SMG6: variants seen among roughly 807,000 people sequenced by gnomAD.
The protein encoded by SMG6 is telomerase-binding protein EST1A.
Under a neutral mutation model 142.2 loss-of-function variants are expected in SMG6, and 66 were observed. The ratio of observed to expected loss-of-function variants is 0.46; its 90% CI spans 0.38 to 0.57. The LOEUF (loss-of-function observed/expected upper bound fraction) is 0.57, where lower values mean the gene tolerates loss of function less well. SMG6 is among the 20% of genes least tolerant of loss of function. The pLI is 0.00. For missense variants in SMG6, 1,793 were observed against 1,832.0 expected (o/e 0.98, Z 0.39); for synonymous variants, 779 against 702.4 (o/e 1.11, Z -1.72).
chr17:2,121,189 A>C (rs549594705), intron 13 of SMG6, among the ~76,000 whole-genome samples: 11 of 152,306 alleles, frequency 7.2e-5, no homozygotes, highest in Admixed American at 1.3e-4. Flanking sequence ...ATGTCCAAAA[A>C]CAGATTTGTG....
intron 13 of SMG6, among the ~76,000 whole-genome samples, chr17:2,112,331 C>A (rs1046226235): frequency 6.6e-6 from 1 of 151,316 alleles, no homozygotes; most frequent in Non-Finnish European, 1.5e-5. Flanking sequence ...GGTGAAACCC[C>A]GTCTCTACTA....
In SMG6 at chr17:2,131,112, A is replaced by G. The variant is rs139412049; in HGVS notation, c.3357+41546T>C. ...TTAAAACAATTGATTTTTATATACA[A>G]TAAAACTTTAAGCATATTTGCTATT... On this transcript the variant is annotated intron_variant, in intron 13 of 18. Transcript: ENST00000263073. Among the ~76,000 whole-genome samples the G allele has an allele frequency of 9.8e-5, 15 of 152,340 alleles. No individual in the cohort carries two copies. In the East Asian group the frequency reaches 2.9e-3, roughly 29 times the overall value.
At chr17:2,141,023 G>T (rs2070462849) in intron 13 of SMG6, among the ~76,000 whole-genome samples, 1 of 152,196 alleles carries the variant, frequency 6.6e-6, no homozygotes, top group African/African-American at 2.4e-5. Flanking sequence ...GAGAAATCTG[G>T]CCAGGAGAAT....
chr17:2,202,491 A>G (rs969306874), intron 10 of SMG6, among the ~76,000 whole-genome samples: 1 of 152,192 alleles, frequency 6.6e-6, no homozygotes, highest in Non-Finnish European at 1.5e-5. Flanking sequence ...GTTCAAGGCT[A>G]CAGTGAACTA....
rs1555528754 is a variant in SMG6 at position 2,061,465 on chromosome 17, C to G, written c.*27G>C. On this transcript the variant is annotated 3_prime_UTR_variant, in exon 19 of 19. Transcript: ENST00000263073. The stretch of plus-strand genomic sequence containing the variant: ...TGGTGGCCTTTCAGGAACGGTTCCA[C>G]GGGGGGGGGGCCCCAGTGTGGCTCC... 1.9e-5 allele frequency: 26 copies of G among 1,359,398 alleles called. No individual in the cohort carries two copies. Among genetic ancestry groups the G allele is most frequent in the Admixed American group, 1.1e-4 (5 of 45,198 alleles). 84.2% of individuals were successfully genotyped at this position (1,359,398 alleles called of 1,614,324 possible). A position where few individuals can be genotyped will look rare whatever the true frequency, so the allele number is the denominator to read the frequency against.
intron 8 of SMG6, among the ~76,000 whole-genome samples, chr17:2,277,656 T>C (rs959538890): frequency 3.9e-5 from 6 of 152,336 alleles, no homozygotes; most frequent in South Asian, 4.1e-4. Flanking sequence ...GGAATGTATA[T>C]ATTGCATTAT....
At chr17:2,150,974 A>G (rs935636211) in intron 13 of SMG6, among the ~76,000 whole-genome samples, 3 of 152,180 alleles carry the variant, frequency 2.0e-5, no homozygotes, top group African/African-American at 4.8e-5. Flanking sequence ...TGCCGCCTCA[A>G]GTAAGATGGG....
At chr17:2,232,457 G>GT (rs2073524495) in intron 10 of SMG6, among the ~76,000 whole-genome samples, 1 of 152,066 alleles carries the variant, frequency 6.6e-6, no homozygotes, top group African/African-American at 2.4e-5. Context: ...CCTGGTCCAC[G>GT]TAAGAAACAC....
chr17:2,244,536 G>A, intron 9 of SMG6, 122 bp downstream of exon 9: 1 of 696,042 alleles, frequency 1.4e-6, no homozygotes, highest in Non-Finnish European at 2.6e-6. Context: ...AAGAGAAGGT[G>A]GAGGCCTCTA....
chr17:2,240,542 CAT>C (rs2073775140), intron 9 of SMG6, among the ~76,000 whole-genome samples: 1 of 151,906 alleles, frequency 6.6e-6, no homozygotes, highest in African/African-American at 2.4e-5. Context: ...CCTCAGAGAC[CAT>C]ATCTTTAAAC....
rs573812717 is a variant in SMG6, at chr17:2,199,468, G to C, written c.2870-10953C>G. 3.7e-4 allele frequency among the ~76,000 whole-genome samples: 56 copies of C among 151,730 alleles called. No homozygotes were observed. The South Asian group carries it at 8.7e-3, about 24-fold the overall frequency. On this transcript the variant is annotated intron_variant, in intron 10 of 18. Coordinates refer to ENST00000263073, the MANE Select transcript of SMG6 (RefSeq NM_017575.5). ...GGCAATACAGTGTGAGACCCAGGAG[G>C]TTGAGGCTGCAGTATTGTGGAGTGA...
chr17:2,130,142 C>T (rs1190413462), intron 13 of SMG6, among the ~76,000 whole-genome samples: 1 of 151,426 alleles, frequency 6.6e-6, no homozygotes, highest in African/African-American at 2.4e-5. Context: ...CGCCTGTAGT[C>T]CCAGCTACTC....
intron 8 of SMG6, among the ~76,000 whole-genome samples, chr17:2,281,325 C>T (rs1044059641): frequency 3.9e-5 from 6 of 152,062 alleles, no homozygotes; most frequent in Non-Finnish European, 7.4e-5. Flanking sequence ...ACAGAAGCCT[C>T]GTTTTGTTGA....
At chr17:2,176,737 A>G (rs1597528662) in intron 12 of SMG6, among the ~76,000 whole-genome samples, 1 of 152,074 alleles carries the variant, frequency 6.6e-6, no homozygotes, top group South Asian at 2.1e-4. Context: ...AGAACACACC[A>G]CACACCAGGA....
intron 10 of SMG6, among the ~76,000 whole-genome samples, chr17:2,233,939 G>C (rs1468827525): frequency 6.6e-6 from 1 of 152,234 alleles, no homozygotes; most frequent in Non-Finnish European, 1.5e-5. Flanking sequence ...GTTATATCCT[G>C]TGGCCTGGGC....
intron 10 of SMG6, among the ~76,000 whole-genome samples, chr17:2,203,384 C>G (rs1366184927): frequency 6.6e-6 from 1 of 152,138 alleles, no homozygotes; most frequent in South Asian, 2.1e-4. Flanking sequence ...AGAACGAGGG[C>G]CTGCCATTCC....
At chr17:2,229,797 T>G (rs2073418742) in intron 10 of SMG6, among the ~76,000 whole-genome samples, 1 of 152,166 alleles carries the variant, frequency 6.6e-6, no homozygotes, top group Non-Finnish European at 1.5e-5. Flanking sequence ...ACTTTCTCTG[T>G]GAATTCAGCA....
At chr17:2,142,081 A>C (rs9907384) in intron 13 of SMG6, among the ~76,000 whole-genome samples, 49,329 of 150,878 alleles carry the variant, frequency 0.33, 8,346 homozygotes, top group African/African-American at 0.42. Flanking sequence ...CTATGGCTGG[A>C]CTCCAATGCC....
chr17:2,067,416 C>T (rs2067982956), intron 16 of SMG6, among the ~76,000 whole-genome samples: 1 of 152,166 alleles, frequency 6.6e-6, no homozygotes, highest in African/African-American at 2.4e-5. Context: ...CAGCCTCTTT[C>T]AGTTGTACCC....
Sources: gnomAD v4.1 joint callset for allele counts (sites outside exome capture counted in the v4.1 genomes callset) on GRCh38, gnomAD v4.1.1 for gene constraint, MANE v1.5 for transcripts, NCBI Gene and HGNC (gene_info 2026-07-23, HGNC 2026-07-21) for gene names.